Variants in OCA2 observed in about 807,000 individuals in gnomAD.
OCA2 encodes the protein OCA2 melanosomal transmembrane protein.
In OCA2, 77 loss-of-function variants were observed where a neutral mutation model predicts 100.2. The observed-to-expected ratio is 0.77, with a 90% confidence interval of 0.64 to 0.93. The LOEUF is 0.93. OCA2 is among the 40% of genes least tolerant of loss of function. The pLI is 0.00. For missense variants in OCA2, 1,062 were observed against 1,089.1 expected (o/e 0.98, Z 0.35); for synonymous variants, 432 against 439.2 (o/e 0.98, Z 0.21).
intron 23 of OCA2, among the ~76,000 whole-genome samples, chr15:27,774,130 C>T (rs1485321340): frequency 1.3e-5 from 2 of 152,164 alleles, no homozygotes; most frequent in African/African-American, 2.4e-5. Flanking sequence ...TGAAGTCCAC[C>T]CAGAACTTGT....
intron 2 of OCA2, among the ~76,000 whole-genome samples, chr15:28,051,256 T>G (rs1455390763): frequency 6.6e-6 from 1 of 152,254 alleles, no homozygotes; most frequent in Non-Finnish European, 1.5e-5. Context: ...GAACTACAGT[T>G]GGGAAATCTA....
At chr15:28,050,839 A>G (rs939452224) in intron 2 of OCA2, among the ~76,000 whole-genome samples, 1 of 152,054 alleles carries the variant, frequency 6.6e-6, no homozygotes, top group African/African-American at 2.4e-5. Context: ...AGACCCTGAG[A>G]AGTCAGTACT....
intron 23 of OCA2, among the ~76,000 whole-genome samples, chr15:27,798,582 C>G (rs1484510626): frequency 6.6e-6 from 1 of 151,958 alleles, no homozygotes; most frequent in South Asian, 2.1e-4. Flanking sequence ...CGCTCTGACC[C>G]TGATGATCAG....
At chr15:27,771,186 C>T (rs2031818242) in intron 23 of OCA2, among the ~76,000 whole-genome samples, 1 of 151,442 alleles carries the variant, frequency 6.6e-6, no homozygotes, top group Non-Finnish European at 1.5e-5. Context: ...CCTAGAACGC[C>T]TCCATCAGGT....
intron 23 of OCA2, among the ~76,000 whole-genome samples, chr15:27,813,454 T>C (rs540606251): frequency 1.2e-4 from 19 of 152,228 alleles, no homozygotes; most frequent in African/African-American, 4.3e-4. Context: ...TCACAGCCTA[T>C]GAGGGAAGAG....
chr15:27,818,850 A>T (rs937808884), intron 23 of OCA2, among the ~76,000 whole-genome samples: 15 of 152,164 alleles, frequency 9.9e-5, no homozygotes, highest in African/African-American at 3.6e-4. Context: ...AAAGGCAGGG[A>T]TGCTTTTTGT....
intron 18 of OCA2, among the ~76,000 whole-genome samples, chr15:27,948,075 C>T (rs1247512986): frequency 6.6e-6 from 1 of 152,160 alleles, no homozygotes; most frequent in South Asian, 2.1e-4. Flanking sequence ...CAGCAGGCAC[C>T]AGGGAGGGGA....
At chr15:27,758,333 C>G (rs1026238390) in intron 23 of OCA2, among the ~76,000 whole-genome samples, 5 of 152,132 alleles carry the variant, frequency 3.3e-5, no homozygotes, top group African/African-American at 1.2e-4. Context: ...CCACTCCTGC[C>G]AAATTCCACG....
intron 19 of OCA2, among the ~76,000 whole-genome samples, chr15:27,917,900 T>G (rs975756460): frequency 6.6e-6 from 1 of 152,068 alleles, no homozygotes; most frequent in African/African-American, 2.4e-5. Context: ...CAGGGAAGCC[T>G]GGGGAAGGCA....
chr15:27,823,441 A>G (rs2151280328), intron 23 of OCA2, among the ~76,000 whole-genome samples: 1 of 152,342 alleles, frequency 6.6e-6, no homozygotes, highest in Non-Finnish European at 1.5e-5. Flanking sequence ...GCAGTTATTT[A>G]ATTTTTCCCA....
intron 19 of OCA2, among the ~76,000 whole-genome samples, chr15:27,904,162 A>C (rs2038076219): frequency 6.6e-6 from 1 of 152,050 alleles, no homozygotes; most frequent in African/African-American, 2.4e-5. Context: ...GTCCTGCCGG[A>C]GCAGCAACAA....
At chr15:27,805,305 A>T (rs548296538) in intron 23 of OCA2, among the ~76,000 whole-genome samples, 46 of 152,236 alleles carry the variant, frequency 3.0e-4, no homozygotes, top group African/African-American at 1.1e-3. Context: ...AGTAAATCGG[A>T]GGCGATAAGC....
downstream of OCA2, among the ~76,000 whole-genome samples, chr15:27,752,177 TC>T (rs1343785630): frequency 6.6e-6 from 1 of 152,164 alleles, no homozygotes; most frequent in African/African-American, 2.4e-5. Context: ...CACAGACCCT[TC>T]ATCTGGATTT....
intron 18 of OCA2, among the ~76,000 whole-genome samples, chr15:27,933,377 G>C (rs949481957): frequency 8.3e-6 from 1 of 119,932 alleles, no homozygotes; most frequent in Non-Finnish European, 2.0e-5. Flanking sequence ...TGGGCAGGGT[G>C]GGAGGTGAAA....
chr15:28,002,891 T>C (rs2041971734), intron 9 of OCA2, among the ~76,000 whole-genome samples: 1 of 152,254 alleles, frequency 6.6e-6, no homozygotes, highest in African/African-American at 2.4e-5. Flanking sequence ...AAATATCTTC[T>C]TTTCAGGTAT....
chr15:27,762,497 C>G (rs1279880691), intron 23 of OCA2, among the ~76,000 whole-genome samples: 1 of 152,238 alleles, frequency 6.6e-6, no homozygotes, highest in African/African-American at 2.4e-5. Flanking sequence ...AATGAGCCAT[C>G]TTTAACCCAT....
rs567286587 is a variant in OCA2, at chr15:27,864,162, G to T, written c.2244+6992C>A. Among the ~76,000 whole-genome samples, 61 of 152,158 alleles carry T rather than the reference G, an allele frequency of 4.0e-4. 1 individual carries two copies. In the South Asian group the frequency reaches 0.012, roughly 30 times the overall value. Reference sequence around the variant, plus strand: ...AACCCACACAGCCCATCAGTACCAGGCTCAGCACCAAGCAAATGGGGGAAA... The same window carrying T: ...AACCCACACAGCCCATCAGTACCAGTCTCAGCACCAAGCAAATGGGGGAAA... On this transcript the variant is annotated intron_variant, in intron 21 of 23. Coordinates refer to ENST00000354638, the MANE Select transcript of OCA2 (RefSeq NM_000275.3).
At chr15:28,009,435 C>A (rs999943859) in intron 9 of OCA2, among the ~76,000 whole-genome samples, 37 of 152,116 alleles carry the variant, frequency 2.4e-4, no homozygotes, top group African/African-American at 8.5e-4. Flanking sequence ...CATCTGTAAT[C>A]CCAGCACTTT....
chr15:27,855,954 AAAC>A (rs993628992), intron 21 of OCA2, among the ~76,000 whole-genome samples: 3 of 152,170 alleles, frequency 2.0e-5, no homozygotes, highest in African/African-American at 7.2e-5. Context: ...TGGGTACTGA[AAAC>A]AACAGGACTT....
Sources: gnomAD v4.1 joint callset for allele counts (sites outside exome capture counted in the v4.1 genomes callset) on GRCh38, gnomAD v4.1.1 for gene constraint, MANE v1.5 for transcripts, NCBI Gene and HGNC (gene_info 2026-07-23, HGNC 2026-07-21) for gene names.